The following COLEC10 variants were observed in gnomAD, a reference collection of about 807,000 sequenced individuals.
COLEC10 encodes collectin subfamily member 10, also known as collectin-10.
Under a neutral mutation model 28.4 loss-of-function variants are expected in COLEC10, and 22 were observed. The ratio of observed to expected loss-of-function variants is 0.78; its 90% CI spans 0.55 to 1.11. The LOEUF is 1.11. Ranked by LOEUF, COLEC10 falls within the 50% of genes least tolerant of loss-of-function variation. The pLI, the probability that COLEC10 is intolerant of heterozygous loss-of-function variation, is 0.00. For synonymous variants in COLEC10, 125 were observed against 116.1 expected (o/e 1.08, Z -0.49); for missense variants, 361 against 344.1 (o/e 1.05, Z -0.39).
chr8:118,987,982 G>T, the COLEC10 span, among the ~76,000 whole-genome samples: 1 of 152,110 alleles, frequency 6.6e-6, no homozygotes, highest in Non-Finnish European at 1.5e-5. Context: ...ACGCATGTTT[G>T]GTTCTACCAG....
chr8:119,018,128 A>T (rs145129603), intron 2 of COLEC10, among the ~76,000 whole-genome samples: 7 of 152,296 alleles, frequency 4.6e-5, no homozygotes, highest in Non-Finnish European at 8.8e-5. Context: ...TGCAAACTTC[A>T]TTAGTTCCCT....
chr8:119,048,078 A>G (rs183602767), intron 2 of COLEC10, among the ~76,000 whole-genome samples: 9 of 152,258 alleles, frequency 5.9e-5, no homozygotes, highest in South Asian at 4.1e-4. Context: ...TGTTACCTGG[A>G]TATATTGCAT....
intron 2 of COLEC10, among the ~76,000 whole-genome samples, chr8:119,048,062 C>T (rs1200828202): frequency 1.3e-5 from 2 of 152,126 alleles, no homozygotes; most frequent in African/African-American, 4.8e-5. Context: ...AGTACATGTG[C>T]AGGTTTGTTA....
chr8:119,061,408 G>A (rs559425422), intron 2 of COLEC10, among the ~76,000 whole-genome samples: 1 of 150,514 alleles, frequency 6.6e-6, no homozygotes, highest in African/African-American at 2.4e-5. Flanking sequence ...CCACATTAAG[G>A]CCATATCATT....
chr8:119,074,911 G>A (rs57031367), intron 1 of COLEC10, among the ~76,000 whole-genome samples: 1 of 152,258 alleles, frequency 6.6e-6, no homozygotes, highest in Admixed American at 6.5e-5. Context: ...GTAACATGAG[G>A]ATGATAATAG....
intron 1 of COLEC10, among the ~76,000 whole-genome samples, chr8:119,006,959 G>A (rs1234252690): frequency 6.6e-6 from 1 of 152,074 alleles, no homozygotes; most frequent in Non-Finnish European, 1.5e-5. Flanking sequence ...CCAGGCAAAT[G>A]TAGGCAGTGG....
chr8:119,092,138 C>T (rs1164559497), intron 3 of COLEC10, among the ~76,000 whole-genome samples: 32 of 145,776 alleles, frequency 2.2e-4, no homozygotes, highest in Non-Finnish European at 3.9e-4. Context: ...GGTGGGATCT[C>T]GGCTTACTGC....
upstream of COLEC10, chr8:119,063,103 C>T (rs374170195): frequency 8.5e-5 from 13 of 152,186 alleles, no homozygotes; most frequent in East Asian, 5.8e-4. Flanking sequence ...ATGCTTTTTT[C>T]GTATCCTGGA....
intron 2 of COLEC10, among the ~76,000 whole-genome samples, chr8:119,024,793 C>A (rs1188862704): frequency 6.6e-6 from 1 of 152,018 alleles, no homozygotes; most frequent in Non-Finnish European, 1.5e-5. Flanking sequence ...ATCTGACTTA[C>A]AGAAAGAGAA....
chr8:119,074,612 C>T (rs543745861), intron 1 of COLEC10, among the ~76,000 whole-genome samples: 77 of 152,246 alleles, frequency 5.1e-4, no homozygotes, highest in African/African-American at 1.8e-3. Context: ...ATTGTGAAGT[C>T]AGCTCCCCAA....
the COLEC10 span, among the ~76,000 whole-genome samples, chr8:118,988,975 AC>A: frequency 6.6e-6 from 1 of 152,198 alleles, no homozygotes; most frequent in African/African-American, 2.4e-5. Context: ...ACAAAACAAA[AC>A]CAACCAATGA....
intron 4 of COLEC10, among the ~76,000 whole-genome samples, chr8:119,102,900 C>T (rs1346363129): frequency 6.6e-6 from 1 of 152,126 alleles, no homozygotes; most frequent in African/African-American, 2.4e-5. Flanking sequence ...GTAGATTGTA[C>T]TTTGGTAATT....
intron 2 of COLEC10, among the ~76,000 whole-genome samples, chr8:119,031,160 G>A (rs78535004): frequency 0.017 from 2,553 of 152,264 alleles, 29 homozygotes; most frequent in Middle Eastern, 0.031. Flanking sequence ...ACAAAGTTCC[G>A]TCTCTGAAGT....
At chr8:119,074,298 A>G (rs1815182329) in intron 1 of COLEC10, among the ~76,000 whole-genome samples, 1 of 152,212 alleles carries the variant, frequency 6.6e-6, no homozygotes, top group Non-Finnish European at 1.5e-5. Flanking sequence ...GTATAATTAC[A>G]TTGTAACACA....
At chr8:119,090,164 T>C (rs1184384273) in intron 2 of COLEC10, among the ~76,000 whole-genome samples, 3 of 152,180 alleles carry the variant, frequency 2.0e-5, no homozygotes, top group Non-Finnish European at 2.9e-5. Context: ...GATTCATTGA[T>C]CTATTCACCT....
rs375446768 is a variant in COLEC10 at position 119,044,295 on chromosome 8, A to G, written n.235+34742A>G. On this transcript the variant is annotated intron_variant and non_coding_transcript_variant, in intron 2 of 6. Transcript: ENST00000521788. ...AATGTATTCTAAAACTTGTCTTCCT[A>G]TAAGAAAATATACAAACTCTGTCAC... Among the ~76,000 whole-genome samples the G allele has an allele frequency of 5.3e-5, 8 of 152,336 alleles. No homozygotes were observed. The East Asian group carries it at 7.7e-4, about 15-fold the overall frequency.
At chr8:119,094,297 T>A (rs1815668548) in intron 3 of COLEC10, among the ~76,000 whole-genome samples, 1 of 152,166 alleles carries the variant, frequency 6.6e-6, no homozygotes, top group South Asian at 2.1e-4. Context: ...GAAAACTACT[T>A]TATAGAGGTA....
rs191706969 is a variant in COLEC10, at chr8:119,077,814, T to A, written c.148+10385T>A. ...CTTCCACATAAATAATAACTTATTATACTTGTCTGCTGCATTAATCCATTT... is the reference window on the plus strand; with the variant it reads ...CTTCCACATAAATAATAACTTATTAAACTTGTCTGCTGCATTAATCCATTT... On this transcript the variant is annotated intron_variant, in intron 1 of 5. Transcript: ENST00000332843. Among the ~76,000 whole-genome samples, 93 of 152,300 alleles carry A rather than the reference T, an allele frequency of 6.1e-4. 1 individual carries two copies. The highest frequency in any genetic ancestry group is 2.6e-4 in the Non-Finnish European group (18 of 68,012).
intron 2 of COLEC10, among the ~76,000 whole-genome samples, chr8:119,060,045 A>G (rs1334710776): frequency 6.6e-6 from 1 of 152,108 alleles, no homozygotes; most frequent in Non-Finnish European, 1.5e-5. Context: ...TCATCTCAGC[A>G]CACCTACCCA....
Sources: allele counts gnomAD v4.1 joint callset (sites outside exome capture counted in the v4.1 genomes callset), GRCh38; gene constraint gnomAD v4.1.1; transcripts MANE v1.5; gene names NCBI Gene and HGNC (gene_info 2026-07-23, HGNC 2026-07-21).